The following FAM149B1 variants were observed in gnomAD, a reference collection of about 807,000 sequenced individuals.
The protein encoded by FAM149B1 is family with sequence similarity 149 member B1, also known as primary cilium assembly protein FAM149B1.
In FAM149B1, 56 loss-of-function variants were observed where a neutral mutation model predicts 75.3. That is an observed-to-expected ratio of 0.74 (90% CI 0.60 to 0.93). FAM149B1 has a LOEUF of 0.93. Among genes scored for constraint, FAM149B1 ranks in the 40% least tolerant of loss-of-function variants. The pLI is 0.00. For missense variants in FAM149B1, 639 were observed against 708.4 expected (o/e 0.90, Z 1.11); for synonymous variants, 259 against 256.1 (o/e 1.01, Z -0.11).
intron 3 of FAM149B1, among the ~76,000 whole-genome samples, chr10:73,182,400 C>T (rs967778651): frequency 6.6e-6 from 1 of 151,904 alleles, no homozygotes; most frequent in Non-Finnish European, 1.5e-5. Flanking sequence ...TTAGTAGAGA[C>T]GGGGTTCTGC....
At chr10:73,216,115 A>ATCT (rs113646053) in intron 7 of FAM149B1, among the ~76,000 whole-genome samples, 15,994 of 152,100 alleles carry the variant, frequency 0.11, 1,217 homozygotes, top group East Asian at 0.31. Flanking sequence ...GGATTGTTAC[A>ATCT]TCTTGTTGAA....
chr10:73,218,202 A>G (rs2043337255), intron 7 of FAM149B1, among the ~76,000 whole-genome samples: 1 of 152,206 alleles, frequency 6.6e-6, no homozygotes, highest in East Asian at 1.9e-4. Context: ...CAGCTGGGTA[A>G]ATATTGGGAG....
At chr10:73,190,039 A>G (rs968216552) in intron 3 of FAM149B1, among the ~76,000 whole-genome samples, 1 of 152,240 alleles carries the variant, frequency 6.6e-6, no homozygotes, top group Non-Finnish European at 1.5e-5. Context: ...ATATCTCAAT[A>G]TACAAGGTAA....
chr10:73,186,877 A>G (rs1249516675), intron 3 of FAM149B1, among the ~76,000 whole-genome samples: 1 of 152,146 alleles, frequency 6.6e-6, no homozygotes, highest in African/African-American at 2.4e-5. Flanking sequence ...GGGGCTGGGC[A>G]GAGAGAGGAA....
intron 1 of FAM149B1, among the ~76,000 whole-genome samples, chr10:73,172,699 A>C (rs1419500944): frequency 6.6e-6 from 1 of 152,194 alleles, no homozygotes; most frequent in African/African-American, 2.4e-5. Context: ...GATTGACCCC[A>C]TAGCTTAATC....
chr10:73,229,279 A>G (rs574102495), intron 8 of FAM149B1, among the ~76,000 whole-genome samples: 1 of 152,292 alleles, frequency 6.6e-6, no homozygotes, highest in African/African-American at 2.4e-5. Flanking sequence ...AGGTGTTGGC[A>G]TATTGGCCAG....
intron 7 of FAM149B1, among the ~76,000 whole-genome samples, chr10:73,212,527 C>T (rs1453867900): frequency 6.6e-6 from 1 of 152,222 alleles, no homozygotes; most frequent in Non-Finnish European, 1.5e-5. Context: ...CCGCCTGCCT[C>T]AGCCTCCCAA....
At position 73,218,259 on chromosome 10, in the gene FAM149B1, T is replaced by C. The variant is rs753836; in HGVS notation, c.898+7821T>C. ...CCTGGGACTAATCCTCTGCAGTTCT[T>C]TGCTCCATTCTCTGGGTGCCTGGTT... On this transcript the variant is annotated intron_variant, in intron 7 of 13. Transcript: ENST00000242505. Among the ~76,000 whole-genome samples, 614 of 152,344 alleles carry C rather than the reference T, an allele frequency of 4.0e-3. 34 individuals are homozygous for C. The East Asian group carries it at 0.11, about 26-fold the overall frequency.
intron 7 of FAM149B1, among the ~76,000 whole-genome samples, chr10:73,219,601 C>G (rs1282515044): frequency 1.3e-5 from 2 of 152,140 alleles, no homozygotes; most frequent in Non-Finnish European, 2.9e-5. Flanking sequence ...CAGAAATACA[C>G]CCACACATAT....
intron 8 of FAM149B1, among the ~76,000 whole-genome samples, chr10:73,229,914 A>G (rs2043644690): frequency 6.6e-6 from 1 of 152,214 alleles, no homozygotes; most frequent in Admixed American, 6.5e-5. Flanking sequence ...TGCTAAAATT[A>G]GAACAGATAA....
chr10:73,189,608 T>C (rs2042631396), intron 3 of FAM149B1, among the ~76,000 whole-genome samples: 1 of 152,190 alleles, frequency 6.6e-6, no homozygotes. Context: ...TGAATGAACC[T>C]CAAAAAGATT....
At chr10:73,237,522 C>A (rs1312355454) in intron 12 of FAM149B1, among the ~76,000 whole-genome samples, 1 of 151,414 alleles carries the variant, frequency 6.6e-6, no homozygotes, top group Non-Finnish European at 1.5e-5. Flanking sequence ...TGGGTTCAAT[C>A]GATTCTCCTG....
chr10:73,214,174 C>T lies in FAM149B1; in HGVS notation c.898+3736C>T, dbSNP rs547609489. On this transcript the variant is annotated intron_variant, in intron 7 of 13. Transcript: ENST00000242505. ...GATTTTTGGATCTTAATTTTGTATC[C>T]TGAAACTACTAAATTTATTTATCGA... Among the ~76,000 whole-genome samples the T allele has an allele frequency of 1.2e-4, 18 of 152,224 alleles. No homozygotes were observed. In the East Asian group the frequency reaches 2.7e-3, roughly 23 times the overall value.
chr10:73,197,925 G>C (rs2042846901), intron 5 of FAM149B1, among the ~76,000 whole-genome samples: 2 of 152,162 alleles, frequency 1.3e-5, no homozygotes, highest in South Asian at 4.1e-4. Flanking sequence ...GGGCTTATCT[G>C]TACTTAGATA....
intron 9 of FAM149B1, among the ~76,000 whole-genome samples, chr10:73,232,706 C>G (rs1301406666): frequency 1.3e-5 from 2 of 152,152 alleles, no homozygotes; most frequent in African/African-American, 4.8e-5. Context: ...TGCCAAATGT[C>G]CATTCTAGTA....
chr10:73,179,326 G>A (rs550578618), intron 3 of FAM149B1, among the ~76,000 whole-genome samples: 1 of 152,158 alleles, frequency 6.6e-6, no homozygotes, highest in South Asian at 2.1e-4. Flanking sequence ...TAATCATGAT[G>A]TACACATAAT....
chr10:73,226,172 A>G (rs376910336), intron 7 of FAM149B1, among the ~76,000 whole-genome samples: 4 of 151,706 alleles, frequency 2.6e-5, no homozygotes, highest in African/African-American at 7.3e-5. Context: ...CTGCTCTACA[A>G]TGTGATCCCC....
chr10:73,208,861 CTACCAATGTATATT>C, intron 6 of FAM149B1, 75 bp downstream of exon 6: 1 of 901,254 alleles, frequency 1.1e-6, no homozygotes, highest in Non-Finnish European at 1.5e-6. Context: ...CTAAATGATG[CTACCAATGTATATT>C]ATTAAATATA....
Position 73,168,348 on chromosome 10 carries a change from C to T in FAM149B1, c.9C>T (p.Ser3=). The change falls in exon 1 of 14, where the codon TCC becomes TCT. Residue 3 remains serine, a synonymous_variant. Transcript: ENST00000242505. ...GGAGGAGGAGGAGGAGGATGATCTC[C>T]AGATACACTCGGAAGGCGGTGCCAC... MI[S]RYTRKAVPQS... 6.5e-7 allele frequency: 1 copy of T among 1,549,862 alleles called. No homozygotes were observed. The highest frequency in any genetic ancestry group is 1.4e-5 in the African/African-American group (1 of 72,934).
Sources: gnomAD v4.1 joint callset for allele counts (sites outside exome capture counted in the v4.1 genomes callset) on GRCh38, gnomAD v4.1.1 for gene constraint, MANE v1.5 for transcripts, NCBI Gene and HGNC (gene_info 2026-07-23, HGNC 2026-07-21) for gene names.